SSC5D: variants seen among roughly 807,000 people sequenced by gnomAD.
SSC5D encodes soluble scavenger receptor cysteine-rich domain-containing protein SSC5D.
SSC5D carries 106 observed loss-of-function variants against 104.6 expected under a neutral mutation model. That is an observed-to-expected ratio of 1.01 (90% confidence interval 0.87 to 1.19). SSC5D has a LOEUF of 1.19. SSC5D is among the 50% of genes most tolerant of loss of function. The pLI is 0.00. For missense variants in SSC5D, 1,993 were observed against 2,153.8 expected, an observed-to-expected ratio of 0.93 and a Z score of 1.48; for synonymous variants, 860 against 883.5, an observed-to-expected ratio of 0.97 and a Z score of 0.47.
At position 55,493,862 on chromosome 19, in the gene SSC5D, G is replaced by A. The variant is rs1267941215; in HGVS notation, c.1163G>A (p.Trp388Ter). The change falls in exon 7 of 14, where the codon TGG becomes TAG. Residue 388 changes from tryptophan to a stop codon, truncating the protein, a stop_gained. Coordinates refer to ENST00000389623, the MANE Select transcript of SSC5D (RefSeq NM_001144950.2). LOFTEE classifies it high-confidence loss of function. ...TTACGATTCTGCCCAGCTCGGCCCT[G>A]GGGCCAGCATGACTGTCACCACCGC... ...TALRFCPARPWGQHDCHHRED... is the reference protein window; with the variant it reads ...TALRFCPARP The A allele has an allele frequency of 1.3e-6, 2 of 1,549,034 alleles. No homozygotes were observed. The highest frequency in any genetic ancestry group is 3.9e-5 in the Admixed American group (2 of 50,972).
intron 3 of SSC5D, 27 bp from the exon 4 acceptor site, chr19:55,489,855 G>C: frequency 6.5e-7 from 1 of 1,541,624 alleles, no homozygotes; most frequent in Non-Finnish European, 8.8e-7. Flanking sequence ...TCTCCTCATA[G>C]CTTCTGTCCC....
intron 12 of SSC5D, among the ~76,000 whole-genome samples, chr19:55,507,101 G>A (rs972333725): frequency 4.0e-5 from 6 of 151,584 alleles, no homozygotes; most frequent in African/African-American, 1.5e-4. Flanking sequence ...CCTGGGAGGC[G>A]GAGGCCACAG....
Position 55,489,745 on chromosome 19 carries a change from T to C in SSC5D, c.361+83T>C. 1.3e-5 allele frequency: 19 copies of C among 1,506,440 alleles called. No homozygotes were observed. The South Asian group carries it at 2.1e-4, about 17-fold the overall frequency. 93.3% of individuals were successfully genotyped at this position (1,506,440 alleles called of 1,614,324 possible). The stretch of plus-strand genomic sequence containing the variant: ...CCCAAGTCCTTAGCCCCAGCAAGTC[T>C]GAGTGTTCAGCAGTTCAGAGACACC... On this transcript the variant is annotated intron_variant, in intron 3 of 13. Coordinates refer to ENST00000389623, the MANE Select transcript of SSC5D (RefSeq NM_001144950.2).
chr19:55,497,427 G>A (rs1346287692), intron 8 of SSC5D, among the ~76,000 whole-genome samples: 3 of 152,146 alleles, frequency 2.0e-5, no homozygotes, highest in Non-Finnish European at 4.4e-5. Context: ...TTTTAATTGA[G>A]GTGACATTCA....
At chr19:55,490,275 C>T (rs1381191732) in intron 4 of SSC5D, 23 bp from the exon 5 acceptor site, 2 of 749,434 alleles carry the variant, frequency 2.7e-6, no homozygotes, top group Non-Finnish European at 4.7e-6. Context: ...CAGCTCCTGA[C>T]CCCTGGCTGT....
intron 13 of SSC5D, among the ~76,000 whole-genome samples, chr19:55,514,925 G>A (rs974216335): frequency 2.0e-5 from 3 of 152,166 alleles, no homozygotes; most frequent in Non-Finnish European, 2.9e-5. Context: ...TGGTCACCCC[G>A]CTAGGAAGCC....
rs1353103113 is a variant in SSC5D at position 55,493,909 on chromosome 19, G to A, written c.1210G>A (p.Asp404Asn). 1.3e-6 allele frequency: 2 copies of A among 1,543,220 alleles called. No homozygotes were observed. Among genetic ancestry groups the A allele is most frequent in the African/African-American group, 1.4e-5 (1 of 72,846 alleles). The part of the protein sequence containing the change: ...HHREDAGAVC[D>N]GMPLGYVPPT... ...CCGCGAGGACGCCGGGGCCGTGTGT[G>A]ACGGTGAGGGGGTTGTGGTGGAGGA... Residue 404 changes from aspartate to asparagine, a missense_variant, in exon 7 of 14, where the codon GAC (aspartate) becomes AAC (asparagine). Asp to Asn is a conservative substitution (Grantham distance 23). Around this residue, in one of 6 missense-constraint regions of SSC5D, gnomAD observed 1,101 missense variants for 1,085.0 expected, o/e 1.01. Transcript: ENST00000389623.
At chr19:55,510,882 G>C (rs549105104) in intron 12 of SSC5D, among the ~76,000 whole-genome samples, 15 of 152,066 alleles carry the variant, frequency 9.9e-5, no homozygotes, top group African/African-American at 3.6e-4. Flanking sequence ...GGGTTCAGGC[G>C]ATTCTCCCGC....
intron 12 of SSC5D, chr19:55,504,306 A>C: frequency 2.8e-6 from 4 of 1,433,166 alleles, no homozygotes; most frequent in Non-Finnish European, 3.7e-6. Context: ...AGCAGAAATA[A>C]ATGCAGAATC....
At chr19:55,507,559 G>T (rs1344518355) in intron 12 of SSC5D, among the ~76,000 whole-genome samples, 1 of 151,084 alleles carries the variant, frequency 6.6e-6, no homozygotes, top group African/African-American at 2.4e-5. Flanking sequence ...CCAGCTACTC[G>T]GGAGGCTGAG....
At chr19:55,493,076 C>G (rs944034086) in intron 6 of SSC5D, among the ~76,000 whole-genome samples, 2 of 152,082 alleles carry the variant, frequency 1.3e-5, no homozygotes, top group African/African-American at 2.4e-5. Context: ...CTAAGGCCAG[C>G]GAGAGGTTAA....
At chr19:55,506,488 G>A (rs532632739) in intron 12 of SSC5D, among the ~76,000 whole-genome samples, 2 of 134,096 alleles carry the variant, frequency 1.5e-5, no homozygotes, top group East Asian at 2.4e-4. Flanking sequence ...TCTGCCTCCC[G>A]GGTTCACACC....
At position 55,512,026 on chromosome 19, in the gene SSC5D, G is replaced by A. The variant is rs536081127; in HGVS notation, c.2786-985G>A. Among the ~76,000 whole-genome samples, 6 of 151,970 alleles carry A rather than the reference G, an allele frequency of 3.9e-5. No individual in the cohort carries two copies. The East Asian group carries it at 7.7e-4, about 20-fold the overall frequency. ...TTCAAGCTGATGAATTGCATGATACGTGACCTGTATCTCAAGGAAGCTGTT... is the reference window on the plus strand; with the variant it reads ...TTCAAGCTGATGAATTGCATGATACATGACCTGTATCTCAAGGAAGCTGTT... On this transcript the variant is annotated intron_variant, in intron 12 of 13. Transcript: ENST00000389623.
chr19:55,514,451 TAATA>T, intron 13 of SSC5D, among the ~76,000 whole-genome samples: 1 of 80,778 alleles, frequency 1.2e-5, no homozygotes, highest in South Asian at 3.4e-4. Context: ...ATAATAATAA[TAATA>T]ATAGGTGTGG....
Position 55,489,459 on chromosome 19 carries a change from A to G in SSC5D, c.158A>G (p.Asp53Gly). Reference protein sequence around the residue: ...TVCDDGWDLRDAAVACRQLGC... With the variant: ...TVCDDGWDLRGAAVACRQLGC... ...TGTGATGACGGCTGGGACCTGCGCG[A>G]TGCCGCCGTGGCCTGCCGGCAGCTG... The change falls in exon 3 of 14, where the codon GAT becomes GGT. Residue 53 changes from aspartate to glycine, a missense_variant. Coordinates refer to ENST00000389623, the MANE Select transcript of SSC5D (RefSeq NM_001144950.2). The G allele has an allele frequency of 2.0e-6, 3 of 1,479,504 alleles. No individual in the cohort carries two copies. The highest frequency in any genetic ancestry group is 1.8e-6 in the Non-Finnish European group (2 of 1,123,112). 91.6% of individuals were successfully genotyped at this position (1,479,504 alleles called of 1,614,324 possible). A position where few individuals can be genotyped will look rare whatever the true frequency, so the allele number is the denominator to read the frequency against.
intron 8 of SSC5D, among the ~76,000 whole-genome samples, chr19:55,495,233 A>ATATATATATATATATATATATT (rs1555765051): frequency 2.0e-5 from 1 of 50,660 alleles, no homozygotes; most frequent in African/African-American, 9.8e-5. Flanking sequence ...ATATATATAT[A>ATATATATATATATATATATATT]TTTTTTTTTT....
At position 55,493,844 on chromosome 19, in the gene SSC5D, T is replaced by G. The variant is rs1215529526; in HGVS notation, c.1145T>G (p.Phe382Cys). 1.3e-6 allele frequency: 2 copies of G among 1,549,290 alleles called. No individual in the cohort carries two copies. Among genetic ancestry groups the G allele is most frequent in the Non-Finnish European group, 1.7e-6 (2 of 1,146,626 alleles). The change falls in exon 7 of 14, where the codon TTC (phenylalanine) becomes TGC (cysteine). Residue 382 changes from phenylalanine (F) to cysteine (C), a missense_variant. By Grantham distance (205) the Phe-to-Cys change is radical. Around this residue, in one of 6 missense-constraint regions of SSC5D, gnomAD observed 1,101 missense variants for 1,085.0 expected, o/e 1.01. Transcript: ENST00000389623. ...RCRGNETALRFCPARPWGQHD... is the reference protein window; with the variant it reads ...RCRGNETALRCCPARPWGQHD... ...CGGGGAAACGAGACGGCCTTACGAT[T>G]CTGCCCAGCTCGGCCCTGGGGCCAG... is the stretch of plus-strand genomic sequence containing the variant.
chr19:55,489,861 G>C (rs1182592775), intron 3 of SSC5D, 21 bp from the exon 4 acceptor site: 1 of 1,543,184 alleles, frequency 6.5e-7, no homozygotes, highest in Non-Finnish European at 8.8e-7. Context: ...CATAGCTTCT[G>C]TCCCTGCCCC....
In SSC5D at chr19:55,499,912, C is replaced by T. The variant is rs35651406; in HGVS notation, c.1802C>T (p.Ala601Val). The change falls in exon 10 of 14, where the codon GCC becomes GTC. Residue 601 changes from alanine (A) to valine (V), a missense_variant. Ala to Val is a moderately conservative substitution (Grantham distance 64). Transcript: ENST00000389623. ...DRDAWLPGEL[A>V]TKPSASVTAS... The stretch of plus-strand genomic sequence containing the variant: ...GATGCCTGGCTCCCGGGAGAGCTGG[C>T]CACCAAGCCCTCTGCAAGTGTGACT... 8.0e-3 allele frequency: 12,452 copies of T among 1,551,776 alleles called. 75 individuals carry two copies. The highest frequency in any genetic ancestry group is 0.01 in the Non-Finnish European group (11,575 of 1,147,010).
Sources: gnomAD v4.1 joint callset for allele counts (sites outside exome capture counted in the v4.1 genomes callset) on GRCh38, gnomAD v4.1.1 for gene constraint, gnomAD v4.1.1 regional missense constraint, MANE v1.5 for transcripts, NCBI Gene and HGNC (gene_info 2026-07-23, HGNC 2026-07-21) for gene names.